The following GC variants were observed in gnomAD, a reference collection of about 807,000 sequenced individuals.
The protein encoded by GC is vitamin D-binding protein.
In GC, 43 loss-of-function variants were observed where a neutral mutation model predicts 56.7. The ratio of observed to expected loss-of-function variants is 0.76; its 90% CI spans 0.59 to 0.98. The LOEUF (loss-of-function observed/expected upper bound fraction) is 0.98, where lower values mean the gene tolerates loss of function less well. Ranked by LOEUF, GC falls within the 50% of genes least tolerant of loss-of-function variation. The pLI is 0.00. For synonymous variants in GC, 216 were observed against 202.7 expected, an observed-to-expected ratio of 1.07 and a Z score of -0.56; for missense variants, 529 against 545.9, an observed-to-expected ratio of 0.97 and a Z score of 0.31.
intron 10 of GC, among the ~76,000 whole-genome samples, chr4:71,754,101 G>T (rs1239998995): frequency 1.3e-5 from 2 of 152,086 alleles, no homozygotes; most frequent in Non-Finnish European, 2.9e-5. Context: ...GTGCATTTTT[G>T]TTACATGGAT....
Position 71,746,141 on chromosome 4 carries a change from A to C in GC, c.*25+10T>G, listed in dbSNP as rs1446323926. ...GATCCGTTGGTCCTGCATTTATAAA[A>C]TATACTTACCAAAGTTAATAAACAT... On this transcript the variant is annotated intron_variant, in intron 12 of 12. Transcript: ENST00000273951. The C allele has an allele frequency of 9.8e-7, 1 of 1,017,124 alleles. No homozygotes were observed. The highest frequency in any genetic ancestry group is 1.6e-6 in the Non-Finnish European group (1 of 642,374). The allele number at this position is 1,017,124 out of a possible 1,614,324, so 63.0% of individuals were successfully genotyped here. A position where few individuals can be genotyped will look rare whatever the true frequency, so the allele number is the denominator to read the frequency against.
intron 1 of GC, among the ~76,000 whole-genome samples, chr4:71,770,571 C>G (rs1257595436): frequency 6.8e-6 from 1 of 148,026 alleles, no homozygotes; most frequent in Non-Finnish European, 1.5e-5. Context: ...GAATTTTTTG[C>G]CCATTGAGTT....
chr4:71,798,540 G>A (rs1028497862), intron 1 of GC, among the ~76,000 whole-genome samples: 6 of 152,138 alleles, frequency 3.9e-5, no homozygotes, highest in African/African-American at 1.2e-4. Context: ...AGCTAGATTT[G>A]TCTTTTCTTA....
intron 1 of GC, among the ~76,000 whole-genome samples, chr4:71,799,681 T>C (rs4235098): frequency 0.97 from 147,717 of 152,234 alleles, 71,837 homozygotes; most frequent in East Asian, 1. Context: ...ACCAACGTCT[T>C]GAAGATTTTA....
chr4:71,781,411 G>GA (rs897013939), intron 1 of GC, among the ~76,000 whole-genome samples: 1 of 149,702 alleles, frequency 6.7e-6, no homozygotes, highest in Non-Finnish European at 1.5e-5. Context: ...AACTTGAATC[G>GA]AAAAAAAAGA....
intron 1 of GC, among the ~76,000 whole-genome samples, chr4:71,802,435 G>T (rs191633611): frequency 1.2e-4 from 18 of 152,246 alleles, no homozygotes; most frequent in Admixed American, 9.8e-4. Context: ...AAGATCTTTA[G>T]GATAGCCTAA....
At chr4:71,805,239 C>A (rs1278115448), upstream of GC, among the ~76,000 whole-genome samples, 2 of 152,176 alleles carry the variant, frequency 1.3e-5, no homozygotes, top group African/African-American at 4.8e-5. Context: ...TGCTGTTGAG[C>A]TGATAACTGT....
rs557646747 is a variant in GC at position 71,764,965 on chromosome 4, A to T, written c.473+467T>A. 3.9e-5 allele frequency among the ~76,000 whole-genome samples: 6 copies of T among 152,298 alleles called. No individual in the cohort carries two copies. In the South Asian group the frequency reaches 1.2e-3, roughly 32 times the overall value. On this transcript the variant is annotated intron_variant, in intron 4 of 12. Coordinates refer to ENST00000273951, the MANE Select transcript of GC (RefSeq NM_000583.4). ...GTTACGTGTTTACTTGATGTAGTAG[A>T]TGTGTCATATTTACACGTACACGTC...
At chr4:71,743,190 C>T (rs1483143550) in intron 12 of GC, among the ~76,000 whole-genome samples, 1 of 152,124 alleles carries the variant, frequency 6.6e-6, no homozygotes, top group Non-Finnish European at 1.5e-5. Flanking sequence ...GTAGGTATTA[C>T]TAGGGATCGG....
chr4:71,782,365 GTAT>G (rs1742710848), intron 1 of GC, among the ~76,000 whole-genome samples: 1 of 151,700 alleles, frequency 6.6e-6, no homozygotes, highest in African/African-American at 2.4e-5. Flanking sequence ...TCATGCTCAG[GTAT>G]TAGAGAATAG....
chr4:71,759,013 C>T (rs72860518), intron 6 of GC, among the ~76,000 whole-genome samples: 2,243 of 152,210 alleles, frequency 0.015, 48 homozygotes, highest in African/African-American at 0.051. Flanking sequence ...TTAAATACTT[C>T]GTATGAGTTG....
intron 1 of GC, among the ~76,000 whole-genome samples, chr4:71,794,538 C>T (rs554359132): frequency 1.3e-4 from 20 of 150,130 alleles, no homozygotes; most frequent in African/African-American, 4.2e-4. Flanking sequence ...CTATTTGATT[C>T]TTCTCTCTTT....
upstream of GC, among the ~76,000 whole-genome samples, chr4:71,788,707 GAA>G (rs368370066): frequency 5.1e-4 from 76 of 149,012 alleles, no homozygotes; most frequent in African/African-American, 1.8e-3. Flanking sequence ...GAAAAAGAAA[GAA>G]TGAGAAAGAA....
At chr4:71,756,622 A>G in intron 8 of GC, 90 bp downstream of exon 8, 1 of 783,936 alleles carries the variant, frequency 1.3e-6, no homozygotes, top group Non-Finnish European at 2.2e-6. Flanking sequence ...GAAATGAGTG[A>G]TAGCATACCT....
chr4:71,797,376 C>G (rs964816052), intron 1 of GC, among the ~76,000 whole-genome samples: 1 of 152,208 alleles, frequency 6.6e-6, no homozygotes, highest in Non-Finnish European at 1.5e-5. Context: ...CTTTGTTTAC[C>G]TACTCAAGCC....
intron 10 of GC, 54 bp from the exon 11 acceptor site, chr4:71,752,704 T>C (rs1741597909): frequency 6.9e-7 from 1 of 1,448,818 alleles, no homozygotes; most frequent in African/African-American, 1.4e-5. Flanking sequence ...TTTATACAAA[T>C]TTCTAATGCA....
intron 1 of GC, among the ~76,000 whole-genome samples, chr4:71,797,678 C>T (rs1015158702): frequency 6.6e-6 from 1 of 152,262 alleles, no homozygotes; most frequent in African/African-American, 2.4e-5. Context: ...GGGCAGCACC[C>T]ACTGTCCAAC....
At chr4:71,797,491 C>T (rs1160537338) in intron 1 of GC, among the ~76,000 whole-genome samples, 3 of 152,250 alleles carry the variant, frequency 2.0e-5, no homozygotes, top group African/African-American at 7.2e-5. Flanking sequence ...TGGGACCTGC[C>T]GAGCCAGGCA....
At position 71,779,378 on chromosome 4, in the gene GC, C is replaced by T. The variant is rs150416366; in HGVS notation, c.58+4583G>A. ...TTGTGGTAGGTTGGCTAGGGAAGCC[C>T]CCTCTATAAATGGACTTGGAGTAGA... On this transcript the variant is annotated intron_variant, in intron 1 of 12. Coordinates refer to ENST00000273951, the MANE Select transcript of GC (RefSeq NM_000583.4). Among the ~76,000 whole-genome samples, 8 of 151,606 alleles carry T rather than the reference C, an allele frequency of 5.3e-5. 1 individual carries two copies. Among genetic ancestry groups the T allele is most frequent in the Admixed American group, 5.3e-4 (8 of 15,202 alleles).
Sources: allele counts gnomAD v4.1 joint callset (sites outside exome capture counted in the v4.1 genomes callset), GRCh38; gene constraint gnomAD v4.1.1; transcripts MANE v1.5; gene names NCBI Gene and HGNC (gene_info 2026-07-23, HGNC 2026-07-21).